The following RGS4 variants were observed in gnomAD, a reference collection of about 807,000 sequenced individuals.
RGS4 encodes schizophrenia disorder 9.
RGS4 carries 15 observed loss-of-function variants against 21.6 expected under a neutral mutation model. The observed-to-expected ratio is 0.69, with a 90% confidence interval of 0.46 to 1.07. RGS4 has a LOEUF of 1.07. Ranked by LOEUF, RGS4 falls within the 50% of genes least tolerant of loss-of-function variation. RGS4 has a pLI of 0.00. For synonymous variants in RGS4, 94 were observed against 85.5 expected (o/e 1.10, Z -0.55); for missense variants, 237 against 239.0 (o/e 0.99, Z 0.06).
chr1:163,074,948 G>A lies in RGS4; in HGVS notation c.*388G>A, dbSNP rs1200696127. On this transcript the variant is annotated 3_prime_UTR_variant, in exon 5 of 5. Coordinates refer to ENST00000367909, the MANE Select transcript of RGS4 (RefSeq NM_005613.6). ...GCACATGTATTCTGTTGGCCAGCAC[G>A]TTCTCCAGACTCTAGATGTTTAGAT... 7 of 522,622 alleles carry A rather than the reference G, an allele frequency of 1.3e-5. No homozygotes were observed. Among genetic ancestry groups the A allele is most frequent in the Non-Finnish European group, 2.1e-5 (6 of 292,330 alleles). 32.4% of individuals were successfully genotyped at this position (522,622 alleles called of 1,614,324 possible). A position where few individuals can be genotyped will look rare whatever the true frequency, so the allele number is the denominator to read the frequency against.
chr1:163,069,450 C>T lies in RGS4; in HGVS notation c.-35C>T, dbSNP rs200417634. ...AGCCACAGCTCCTCCTGCCGCATTT[C>T]TTTCCTGCTTGCGAATTCCAAGCTG... is the stretch of plus-strand genomic sequence containing the variant. On this transcript the variant is annotated 5_prime_UTR_variant, in exon 1 of 5. Transcript: ENST00000367909. 3.7e-6 allele frequency: 6 copies of T among 1,613,360 alleles called. No homozygotes were observed. Among genetic ancestry groups the T allele is most frequent in the Non-Finnish European group, 5.1e-6 (6 of 1,179,716 alleles).
chr1:163,069,526 G>C lies in RGS4; in HGVS notation c.42G>C (p.Arg14Ser), dbSNP rs774278771. Residue 14 changes from arginine to serine, a missense_variant and splice_region_variant, in exon 1 of 5, where the codon AGG (arginine) becomes AGC (serine). Physicochemically the swap from Arg to Ser is moderately radical, Grantham distance 110. Coordinates refer to ENST00000367909, the MANE Select transcript of RGS4 (RefSeq NM_005613.6). The part of the protein sequence containing the change: ...GLAGLPASCL[R>S]SAKDMKHRLG... ...CAGGTCTGCCGGCTTCTTGCTTGAG[G>C]AGGTAAGATTGCTTTCAGCCATTAA... 9 of 1,612,362 alleles carry C rather than the reference G, an allele frequency of 5.6e-6. No individual in the cohort carries two copies.
Position 163,072,455 on chromosome 1 carries a change from C to T in RGS4, c.105C>T (p.His35=). 1 of 1,613,188 alleles carries T rather than the reference C, an allele frequency of 6.2e-7. No individual in the cohort carries two copies. Among genetic ancestry groups the T allele is most frequent in the African/African-American group, 1.3e-5 (1 of 74,960 alleles). The part of the protein sequence containing the change: ...FLLQKSDSCE[H]NSSHNKKDKV... ...TGCAAAAATCTGATTCCTGTGAACA[C>T]AATTCTTCCCACAACAAGAAGGACA... is the stretch of plus-strand genomic sequence containing the variant. Residue 35 remains histidine (H), a synonymous_variant, in exon 2 of 5, where the codon CAC becomes CAT. Coordinates refer to ENST00000367909, the MANE Select transcript of RGS4 (RefSeq NM_005613.6).
intron 4 of RGS4, chr1:163,073,825 A>G (rs1471990427): frequency 6.0e-6 from 3 of 503,620 alleles, no homozygotes; most frequent in East Asian, 3.3e-5. Context: ...ATTGATAACT[A>G]TATCACCCTA....
Position 163,073,620 on chromosome 1 carries a change from G to A in RGS4, c.376G>A (p.Glu126Lys). ...NEFISVQATK[E>K]VNLDSCTREE... Reference sequence around the variant, plus strand: ...ATTCATCTCAGTCCAGGCAACCAAAGAGGTAGGTTTTTTATGGATACATAA... The same window carrying A: ...ATTCATCTCAGTCCAGGCAACCAAAAAGGTAGGTTTTTTATGGATACATAA... Residue 126 changes from glutamate to lysine, a missense_variant and splice_region_variant, in exon 4 of 5, where the codon GAG becomes AAG. Physicochemically the swap from Glu to Lys is moderately conservative, Grantham distance 56. Transcript: ENST00000367909. 7 of 1,585,964 alleles carry A rather than the reference G, an allele frequency of 4.4e-6. No individual in the cohort carries two copies. Among genetic ancestry groups the A allele is most frequent in the Non-Finnish European group, 6.0e-6 (7 of 1,171,668 alleles).
At chr1:163,069,005 A>T, upstream of RGS4, 1 of 1,599,810 alleles carries the variant, frequency 6.3e-7, no homozygotes, top group South Asian at 1.1e-5. Context: ...AAGCTCCAGA[A>T]TTCCTGCTGG....
At chr1:163,072,105 C>G in intron 1 of RGS4, 5 of 1,097,732 alleles carry the variant, frequency 4.6e-6, no homozygotes, top group Non-Finnish European at 5.5e-6. Context: ...TTCGGTTGGT[C>G]AAAATGACGG....
chr1:163,074,745 A>C lies in RGS4; in HGVS notation c.*185A>C, dbSNP rs973393232. Reference sequence around the variant, plus strand: ...TATAGCTTTTGGTGTTTGAGTGTTCATCAGGGTGGGACCCCATTCCAGTCC... The same window carrying C: ...TATAGCTTTTGGTGTTTGAGTGTTCCTCAGGGTGGGACCCCATTCCAGTCC... On this transcript the variant is annotated 3_prime_UTR_variant, in exon 5 of 5. Transcript: ENST00000367909. 2.3e-6 allele frequency: 2 copies of C among 881,456 alleles called. No homozygotes were observed. Among genetic ancestry groups the C allele is most frequent in the Non-Finnish European group, 3.6e-6 (2 of 550,122 alleles). The allele number at this position is 881,456 out of a possible 1,614,324, so 54.6% of individuals were successfully genotyped here.
rs1475492521 is a variant in RGS4 at position 163,075,443 on chromosome 1, G to C, written c.*883G>C. ...TGGTTTTCTCTGATGGCACTTTTGAGCTCCTAAGCTGCCAGCCTTCCCTTC... is the reference window on the plus strand; with the variant it reads ...TGGTTTTCTCTGATGGCACTTTTGACCTCCTAAGCTGCCAGCCTTCCCTTC... On this transcript the variant is annotated 3_prime_UTR_variant, in exon 5 of 5. Coordinates refer to ENST00000367909, the MANE Select transcript of RGS4 (RefSeq NM_005613.6). The C allele has an allele frequency of 1.3e-5, 2 of 152,138 alleles. No individual in the cohort carries two copies. Among genetic ancestry groups the C allele is most frequent in the Non-Finnish European group, 2.9e-5 (2 of 68,084 alleles). 9.4% of individuals were successfully genotyped at this position (152,138 alleles called of 1,614,324 possible).
chr1:163,074,696 A>G lies in RGS4; in HGVS notation c.*136A>G. Reference sequence around the variant, plus strand: ...ATATTCATGCTGCCTGCCATGTGTGAGTCACTTCTACGCATAAACTAGATA... The same window carrying G: ...ATATTCATGCTGCCTGCCATGTGTGGGTCACTTCTACGCATAAACTAGATA... On this transcript the variant is annotated 3_prime_UTR_variant, in exon 5 of 5. Transcript: ENST00000367909. The G allele has an allele frequency of 1.6e-6, 2 of 1,263,282 alleles. No homozygotes were observed. The highest frequency in any genetic ancestry group is 2.3e-6 in the Non-Finnish European group (2 of 874,582). 78.3% of individuals were successfully genotyped at this position (1,263,282 alleles called of 1,614,324 possible). A position where few individuals can be genotyped will look rare whatever the true frequency, so the allele number is the denominator to read the frequency against.
At chr1:163,074,187 C>A (rs1320934354) in intron 4 of RGS4, 134 bp from the exon 5 acceptor site, 14 of 1,087,934 alleles carry the variant, frequency 1.3e-5, no homozygotes, top group Non-Finnish European at 1.9e-5. Flanking sequence ...CCAAGGAGGA[C>A]CCCAATGTCA....
intron 2 of RGS4, 119 bp from the exon 3 acceptor site, chr1:163,072,686 C>A (rs1655359431): frequency 1.1e-6 from 1 of 934,528 alleles, no homozygotes; most frequent in Non-Finnish European, 1.6e-6. Flanking sequence ...TCATCAATAA[C>A]ATATTTTGTC....
rs942767830 is a variant in RGS4 at position 163,076,308 on chromosome 1, G to A, written c.*1748G>A. ...GCAAAATGAAGACACCAGAGTGTAT[G>A]CATACAAATCTCACTGTATTAAAGA... On this transcript the variant is annotated 3_prime_UTR_variant, in exon 5 of 5. Coordinates refer to ENST00000367909, the MANE Select transcript of RGS4 (RefSeq NM_005613.6). The A allele has an allele frequency of 6.6e-6, 1 of 152,562 alleles. No individual in the cohort carries two copies. The highest frequency in any genetic ancestry group is 1.5e-5 in the Non-Finnish European group (1 of 68,022). 9.5% of individuals were successfully genotyped at this position (152,562 alleles called of 1,614,324 possible).
At position 163,069,510 on chromosome 1, in the gene RGS4, C is replaced by A; in HGVS notation, c.26C>A (p.Pro9Gln). The change falls in exon 1 of 5, where the codon CCG becomes CAG. Residue 9 changes from proline to glutamine, a missense_variant. Pro to Gln is a moderately conservative substitution (Grantham distance 76). Transcript: ENST00000367909. MCKGLAGLPASCLRSAKDM... is the reference protein window; with the variant it reads MCKGLAGLQASCLRSAKDM... ...ATGTGCAAAGGGCTTGCAGGTCTGC[C>A]GGCTTCTTGCTTGAGGAGGTAAGAT... The A allele has an allele frequency of 1.9e-6, 3 of 1,613,342 alleles. No homozygotes were observed. Among genetic ancestry groups the A allele is most frequent in the South Asian group, 1.1e-5 (1 of 91,050 alleles).
In RGS4 at chr1:163,075,955, A is replaced by C. The variant is rs61812782; in HGVS notation, c.*1395A>C. Reference sequence around the variant, plus strand: ...TCTGAGACTAAATGAGAGGAAAAGAAAAGAAAAAAAAAATGATTGTCTAAC... The same window carrying C: ...TCTGAGACTAAATGAGAGGAAAAGACAAGAAAAAAAAAATGATTGTCTAAC... On this transcript the variant is annotated 3_prime_UTR_variant, in exon 5 of 5. Transcript: ENST00000367909. The C allele has an allele frequency of 0.16, 6,392 of 41,048 alleles. 188 individuals carry two copies. Among genetic ancestry groups the C allele is most frequent in the Non-Finnish European group, 0.49 (3,711 of 7,530 alleles). The allele number at this position is 41,048 out of a possible 1,614,324, so 2.5% of individuals were successfully genotyped here.
At chr1:163,074,265 G>A in intron 4 of RGS4, 56 bp from the exon 5 acceptor site, 1 of 1,608,004 alleles carries the variant, frequency 6.2e-7, no homozygotes, top group Non-Finnish European at 8.5e-7. Context: ...AAGCATACAG[G>A]CTTGCATCCT....
Position 163,074,945 on chromosome 1 carries a change from C to G in RGS4, c.*385C>G, listed in dbSNP as rs1044400940. On this transcript the variant is annotated 3_prime_UTR_variant, in exon 5 of 5. Transcript: ENST00000367909. Reference sequence around the variant, plus strand: ...CATGCACATGTATTCTGTTGGCCAGCACGTTCTCCAGACTCTAGATGTTTA... The same window carrying G: ...CATGCACATGTATTCTGTTGGCCAGGACGTTCTCCAGACTCTAGATGTTTA... 7.6e-6 allele frequency: 4 copies of G among 527,954 alleles called. No individual in the cohort carries two copies. The Admixed American group carries it at 1.0e-4, about 13-fold the overall frequency. The allele number at this position is 527,954 out of a possible 1,614,324, so 32.7% of individuals were successfully genotyped here.
chr1:163,075,980 C>T lies in RGS4; in HGVS notation c.*1420C>T, dbSNP rs1202809537. ...AAAGAAAAAAAAAATGATTGTCTAA[C>T]CAATTGTGAGAATTACTGTTTGAAA... On this transcript the variant is annotated 3_prime_UTR_variant, in exon 5 of 5. Coordinates refer to ENST00000367909, the MANE Select transcript of RGS4 (RefSeq NM_005613.6). 6.6e-6 allele frequency: 1 copy of T among 152,460 alleles called. No homozygotes were observed. The highest frequency in any genetic ancestry group is 1.9e-4 in the East Asian group (1 of 5,196). The allele number at this position is 152,460 out of a possible 1,614,324, so 9.4% of individuals were successfully genotyped here. A position where few individuals can be genotyped will look rare whatever the true frequency, so the allele number is the denominator to read the frequency against.
At chr1:163,068,977 G>A, upstream of RGS4, 1 of 1,607,052 alleles carries the variant, frequency 6.2e-7, no homozygotes, top group South Asian at 1.1e-5. Context: ...GAAAGGCATT[G>A]GGAGTCAGCT....
Sources: allele counts gnomAD v4.1 joint callset, GRCh38; gene constraint gnomAD v4.1.1; transcripts MANE v1.5; gene names NCBI Gene and HGNC (gene_info 2026-07-23, HGNC 2026-07-21).